PTPRD: variants seen among roughly 807,000 people sequenced by gnomAD.
The protein encoded by PTPRD is protein tyrosine phosphatase receptor type D.
Under a neutral mutation model 214.5 loss-of-function variants are expected in PTPRD, and 34 were observed. The ratio of observed to expected loss-of-function variants is 0.16; its 90% CI spans 0.12 to 0.21. The LOEUF (loss-of-function observed/expected upper bound fraction) is 0.21, where lower values mean the gene tolerates loss of function less well. PTPRD is among the 10% of genes least tolerant of loss of function. The pLI is 1.00. For synonymous variants in PTPRD, 1,128 were observed against 845.7 expected (o/e 1.33, Z -5.79); for missense variants, 2,545 against 2,398.7 (o/e 1.06, Z -1.27).
At chr9:8,323,071 T>G (rs1419678116) in intron 44 of PTPRD, among the ~76,000 whole-genome samples, 1 of 152,186 alleles carries the variant, frequency 6.6e-6, no homozygotes, top group Non-Finnish European at 1.5e-5. Context: ...CTCGACCTCT[T>G]GTACCAAATA....
chr9:9,725,415 A>G (rs1017405357), intron 7 of PTPRD, among the ~76,000 whole-genome samples: 15 of 151,896 alleles, frequency 9.9e-5, no homozygotes, highest in Non-Finnish European at 1.9e-4. Flanking sequence ...GTGGAACCAT[A>G]AGTCCATTAA....
chr9:10,548,401 C>A (rs1033353188), intron 2 of PTPRD, among the ~76,000 whole-genome samples: 2 of 152,046 alleles, frequency 1.3e-5, no homozygotes, highest in African/African-American at 4.8e-5. Flanking sequence ...CTTCATATAT[C>A]AGGCCTACTG....
At chr9:9,660,188 T>A (rs902871323) in intron 7 of PTPRD, among the ~76,000 whole-genome samples, 5 of 151,988 alleles carry the variant, frequency 3.3e-5, no homozygotes, top group African/African-American at 1.2e-4. Flanking sequence ...TGAGAGCAGA[T>A]AAAGAAACAC....
intron 11 of PTPRD, among the ~76,000 whole-genome samples, chr9:8,927,414 TG>T (rs1448999246): frequency 2.6e-5 from 4 of 152,100 alleles, no homozygotes; most frequent in African/African-American, 9.7e-5. Context: ...TGTGTCCATG[TG>T]TTCTCATTGT....
chr9:9,701,667 T>C (rs1378372972), intron 7 of PTPRD, among the ~76,000 whole-genome samples: 2 of 152,160 alleles, frequency 1.3e-5, no homozygotes, highest in Admixed American at 1.3e-4. Flanking sequence ...ACTTAGAAAT[T>C]CATTAGATGT....
chr9:9,323,551 A>G (rs992061682), intron 9 of PTPRD, among the ~76,000 whole-genome samples: 1 of 152,136 alleles, frequency 6.6e-6, no homozygotes, highest in African/African-American at 2.4e-5. Context: ...ATTGTTAACC[A>G]CTATTGAATG....
intron 3 of PTPRD, among the ~76,000 whole-genome samples, chr9:10,261,800 A>G (rs1030361276): frequency 6.6e-6 from 1 of 152,124 alleles, no homozygotes; most frequent in African/African-American, 2.4e-5. Flanking sequence ...TAGTAAATAT[A>G]TAGGAGCAAG....
In PTPRD at chr9:9,525,971, C is replaced by T. The variant is rs2074033827; in HGVS notation, c.-237+48761G>A. The stretch of plus-strand genomic sequence containing the variant: ...TGTTCCTTTCAAACCATCATTGTTT[C>T]TCTTCACCCTGTGAGAATAGCATCT... On this transcript the variant is annotated intron_variant, in intron 8 of 45. Transcript: ENST00000381196. Among the ~76,000 whole-genome samples, 4 of 152,224 alleles carry T rather than the reference C, an allele frequency of 2.6e-5. No homozygotes were observed. In the South Asian group the frequency reaches 8.3e-4, roughly 32 times the overall value.
At chr9:8,752,075 C>T (rs12352815) in intron 11 of PTPRD, among the ~76,000 whole-genome samples, 8,707 of 152,104 alleles carry the variant, frequency 0.057, 639 homozygotes, top group African/African-American at 0.17. Flanking sequence ...CCCCTGCCAC[C>T]GCTGTCAGAG....
intron 11 of PTPRD, among the ~76,000 whole-genome samples, chr9:8,987,085 A>G (rs1030660718): frequency 2.6e-5 from 4 of 152,174 alleles, no homozygotes; most frequent in African/African-American, 9.6e-5. Context: ...CATCACTGGA[A>G]TTCATCCACC....
intron 10 of PTPRD, among the ~76,000 whole-genome samples, chr9:9,027,017 C>G (rs10759028): frequency 0.15 from 22,327 of 151,178 alleles, 1,886 homozygotes; most frequent in East Asian, 0.34. Context: ...CCAGTTATGG[C>G]TTTTCTCCTT....
At chr9:10,040,501 C>A (rs1414484818) in intron 3 of PTPRD, among the ~76,000 whole-genome samples, 1 of 152,022 alleles carries the variant, frequency 6.6e-6, no homozygotes, top group Non-Finnish European at 1.5e-5. Flanking sequence ...TGCTTATTCA[C>A]CCTTGTTTTT....
At chr9:10,474,310 A>AG (rs201825341) in intron 2 of PTPRD, among the ~76,000 whole-genome samples, 8 of 57,748 alleles carry the variant, frequency 1.4e-4, no homozygotes, top group African/African-American at 3.7e-4. Flanking sequence ...AATGGAAAGC[A>AG]GAAAAAAAAA....
chr9:10,476,640 T>C (rs1355616717), intron 2 of PTPRD, among the ~76,000 whole-genome samples: 1 of 152,084 alleles, frequency 6.6e-6, no homozygotes, highest in Non-Finnish European at 1.5e-5. Context: ...AAAAACTAAT[T>C]TAAATTTTAT....
intron 12 of PTPRD, among the ~76,000 whole-genome samples, chr9:8,687,162 A>AT (rs763568075): frequency 7.9e-5 from 12 of 152,220 alleles, no homozygotes; most frequent in Non-Finnish European, 1.6e-4. Context: ...GCTAAATCAA[A>AT]TTCAGTCCTT....
chr9:8,625,940 T>A (rs890738016), intron 14 of PTPRD, among the ~76,000 whole-genome samples: 2 of 151,712 alleles, frequency 1.3e-5, no homozygotes, highest in Admixed American at 6.6e-5. Flanking sequence ...TCATCATAGT[T>A]GTGTTTAATG....
chr9:9,275,194 ATATAT>A (rs1368119899), intron 9 of PTPRD, among the ~76,000 whole-genome samples: 907 of 10,974 alleles, frequency 0.083, 27 homozygotes, highest in Non-Finnish European at 0.09. Flanking sequence ...TTATATATAT[ATATAT>A]TATATATATA....
At chr9:9,098,516 T>C (rs917574007) in intron 10 of PTPRD, among the ~76,000 whole-genome samples, 3 of 152,194 alleles carry the variant, frequency 2.0e-5, no homozygotes, top group African/African-American at 7.2e-5. Flanking sequence ...CCCAAAGTGC[T>C]GGGATTATAG....
At chr9:8,887,395 T>C (rs1009008163) in intron 11 of PTPRD, among the ~76,000 whole-genome samples, 1 of 152,186 alleles carries the variant, frequency 6.6e-6, no homozygotes, top group African/African-American at 2.4e-5. Context: ...ACAATTTTTA[T>C]ACAAACCCCA....
Sources: gnomAD v4.1 joint callset for allele counts (sites outside exome capture counted in the v4.1 genomes callset) on GRCh38, gnomAD v4.1.1 for gene constraint, MANE v1.5 for transcripts, NCBI Gene and HGNC (gene_info 2026-07-23, HGNC 2026-07-21) for gene names.